The following ABLIM1 variants were observed in gnomAD, a reference collection of about 807,000 sequenced individuals.
ABLIM1 encodes actin binding LIM protein 1.
ABLIM1 carries 40 observed loss-of-function variants against 107.0 expected under a neutral mutation model. That is an observed-to-expected ratio of 0.37 (90% CI 0.29 to 0.49). The LOEUF is 0.49. ABLIM1 is among the 20% of genes least tolerant of loss of function. The pLI, the probability that ABLIM1 is intolerant of heterozygous loss-of-function variation, is 0.97. For missense variants in ABLIM1, 857 were observed against 1,008.5 expected (o/e 0.85, Z 2.04); for synonymous variants, 357 against 357.3 (o/e 1.00, Z 0.01).
In ABLIM1 at chr10:114,527,899, G is replaced by A. The variant is rs185132575; in HGVS notation, c.894+17106C>T. On this transcript the variant is annotated intron_variant, in intron 6 of 22. Transcript: ENST00000533213. ...GTTGCCCACGCTAGAGTGCAGTGGCGTGATCTTGGCTCACTGTAACCTCCG... is the reference window on the plus strand; with the variant it reads ...GTTGCCCACGCTAGAGTGCAGTGGCATGATCTTGGCTCACTGTAACCTCCG... 1.4e-3 allele frequency among the ~76,000 whole-genome samples: 216 copies of A among 150,450 alleles called. 1 individual carries two copies. Among genetic ancestry groups the A allele is most frequent in the African/African-American group, 4.3e-3 (177 of 40,876 alleles).
At chr10:114,608,712 T>C (rs1331267696) in intron 1 of ABLIM1, among the ~76,000 whole-genome samples, 1 of 151,214 alleles carries the variant, frequency 6.6e-6, no homozygotes, top group African/African-American at 2.4e-5. Context: ...AAATAAAGCT[T>C]ATTTTAAAAA....
chr10:114,526,093 G>A (rs575494910), intron 6 of ABLIM1, among the ~76,000 whole-genome samples: 40 of 152,172 alleles, frequency 2.6e-4, no homozygotes, highest in Non-Finnish European at 4.7e-4. Flanking sequence ...ACCTAGAGCC[G>A]CAATAAAACA....
At chr10:114,563,845 CAAA>C (rs11285267) in intron 4 of ABLIM1, among the ~76,000 whole-genome samples, 22 of 79,796 alleles carry the variant, frequency 2.8e-4, no homozygotes, top group African/African-American at 5.9e-4. Context: ...GGCTCCGTCT[CAAA>C]AAAAAAAAAA....
At chr10:114,711,648 C>A (rs1214975619) in intron 1 of ABLIM1, among the ~76,000 whole-genome samples, 1 of 152,140 alleles carries the variant, frequency 6.6e-6, no homozygotes, top group African/African-American at 2.4e-5. Context: ...CTACCCTGAG[C>A]CAGCAACAGT....
intron 6 of ABLIM1, among the ~76,000 whole-genome samples, chr10:114,501,542 C>T (rs571716784): frequency 1.2e-4 from 18 of 152,264 alleles, no homozygotes; most frequent in Admixed American, 1.1e-3. Context: ...AAGTCCTTAA[C>T]GAAAATTTTA....
At chr10:114,654,117 A>G (rs935310903) in intron 1 of ABLIM1, among the ~76,000 whole-genome samples, 1 of 152,192 alleles carries the variant, frequency 6.6e-6, no homozygotes, top group Non-Finnish European at 1.5e-5. Flanking sequence ...TAGCACAGGA[A>G]CATGCATGGC....
In ABLIM1 at chr10:114,463,277, G is replaced by A; in HGVS notation, c.1441+2421C>T. Reference sequence around the variant, plus strand: ...TCCAAGGGAAAACAAAATAAAGAACGTTAATCAGGAGGCTGAAAAGGGAGG... The same window carrying A: ...TCCAAGGGAAAACAAAATAAAGAACATTAATCAGGAGGCTGAAAAGGGAGG... On this transcript the variant is annotated intron_variant, in intron 12 of 22. Transcript: ENST00000533213. 7 of 1,082,700 alleles carry A rather than the reference G, an allele frequency of 6.5e-6. No homozygotes were observed. In the African/African-American group the frequency reaches 6.7e-5, roughly 10 times the overall value. 67.1% of individuals were successfully genotyped at this position (1,082,700 alleles called of 1,614,324 possible).
At chr10:114,655,598 AT>A (rs1452233581) in intron 1 of ABLIM1, among the ~76,000 whole-genome samples, 1 of 152,130 alleles carries the variant, frequency 6.6e-6, no homozygotes, top group Non-Finnish European at 1.5e-5. Flanking sequence ...GGAATAAAAC[AT>A]TTTTTCCTCA....
At chr10:114,506,336 T>C (rs562491425) in intron 6 of ABLIM1, among the ~76,000 whole-genome samples, 1 of 152,320 alleles carries the variant, frequency 6.6e-6, no homozygotes, top group South Asian at 2.1e-4. Context: ...AGTGCATGTG[T>C]CTTTTTGATA....
intron 6 of ABLIM1, among the ~76,000 whole-genome samples, chr10:114,501,315 G>T (rs1439864090): frequency 1.3e-5 from 2 of 152,218 alleles, no homozygotes; most frequent in East Asian, 3.8e-4. Context: ...TCCAACTCTA[G>T]AGACTGTCCA....
chr10:114,564,384 C>T (rs995664197), intron 4 of ABLIM1, among the ~76,000 whole-genome samples: 1 of 152,024 alleles, frequency 6.6e-6, no homozygotes, highest in Non-Finnish European at 1.5e-5. Context: ...TCTCCCTTAG[C>T]CTCCCGAGTA....
chr10:114,740,644 G>C (rs1424771518), intron 1 of ABLIM1, among the ~76,000 whole-genome samples: 1 of 152,022 alleles, frequency 6.6e-6, no homozygotes, highest in Non-Finnish European at 1.5e-5. Flanking sequence ...CAGTAACTTG[G>C]ATACTATTAG....
At chr10:114,498,304 A>G (rs530713247) in intron 6 of ABLIM1, among the ~76,000 whole-genome samples, 10 of 152,222 alleles carry the variant, frequency 6.6e-5, no homozygotes, top group Non-Finnish European at 1.3e-4. Flanking sequence ...TAGTAGTGCT[A>G]ACAGAAGAGC....
intron 1 of ABLIM1, among the ~76,000 whole-genome samples, chr10:114,730,398 A>C (rs1483427824): frequency 0.022 from 2,497 of 115,020 alleles, 94 homozygotes; most frequent in African/African-American, 0.085. Flanking sequence ...ACTCCATCTC[A>C]AAAAAAAAAA....
At chr10:114,642,156 A>C (rs1263306123) in intron 1 of ABLIM1, among the ~76,000 whole-genome samples, 1 of 152,088 alleles carries the variant, frequency 6.6e-6, no homozygotes, top group Non-Finnish European at 1.5e-5. Flanking sequence ...GCTTCCAAAA[A>C]TGGTGGGATT....
chr10:114,747,061 T>C (rs993504895), intron 1 of ABLIM1, among the ~76,000 whole-genome samples: 1 of 152,238 alleles, frequency 6.6e-6, no homozygotes, highest in African/African-American at 2.4e-5. Context: ...CTGCTAATTG[T>C]TTTCTTTGAT....
chr10:114,778,830 G>C, the ABLIM1 span: 4 of 152,082 alleles, frequency 2.6e-5, no homozygotes, highest in Non-Finnish European at 5.9e-5. Context: ...ACTAACCCGT[G>C]TTAAAAAGAT....
At chr10:114,496,562 G>C (rs548465956) in intron 6 of ABLIM1, among the ~76,000 whole-genome samples, 7 of 152,276 alleles carry the variant, frequency 4.6e-5, no homozygotes. Flanking sequence ...TTAATACCTA[G>C]GTGATGGGTT....
intron 4 of ABLIM1, among the ~76,000 whole-genome samples, chr10:114,559,474 A>AG: frequency 6.6e-6 from 1 of 151,316 alleles, no homozygotes; most frequent in South Asian, 2.1e-4. Context: ...AAAGAAAGAA[A>AG]AAAAGAAAAA....
Sources: gnomAD v4.1 joint callset for allele counts (sites outside exome capture counted in the v4.1 genomes callset) on GRCh38, gnomAD v4.1.1 for gene constraint, MANE v1.5 for transcripts, NCBI Gene and HGNC (gene_info 2026-07-23, HGNC 2026-07-21) for gene names.